The following KCNN2 variants were observed in gnomAD, a reference collection of about 807,000 sequenced individuals.
The protein encoded by KCNN2 is potassium calcium-activated channel subfamily N member 2.
KCNN2 carries 24 observed loss-of-function variants against 55.5 expected under a neutral mutation model. That is an observed-to-expected ratio of 0.43 (90% CI 0.31 to 0.61). KCNN2 has a LOEUF of 0.61. Ranked by LOEUF, KCNN2 falls within the 20% of genes least tolerant of loss-of-function variation. The pLI, the probability that KCNN2 is intolerant of heterozygous loss-of-function variation, is 0.08. For synonymous variants in KCNN2, 431 were observed against 336.1 expected, an observed-to-expected ratio of 1.28 and a Z score of -3.09; for missense variants, 754 against 853.6, an observed-to-expected ratio of 0.88 and a Z score of 1.45.
chr5:114,202,340 A>C (rs1483523713), intron 1 of KCNN2, among the ~76,000 whole-genome samples: 1 of 151,870 alleles, frequency 6.6e-6, no homozygotes, highest in Non-Finnish European at 1.5e-5. Flanking sequence ...ATCATTTTCA[A>C]CATAAGACTT....
At chr5:114,414,389 C>T (rs1224263997) in intron 3 of KCNN2, among the ~76,000 whole-genome samples, 1 of 152,098 alleles carries the variant, frequency 6.6e-6, no homozygotes, top group Non-Finnish European at 1.5e-5. Flanking sequence ...TAATAAAGCA[C>T]CTACTGTCTT....
chr5:114,145,130 C>T (rs181306308), intron 1 of KCNN2, among the ~76,000 whole-genome samples: 13 of 152,246 alleles, frequency 8.5e-5, no homozygotes, highest in South Asian at 4.1e-4. Flanking sequence ...CAACCCCTGC[C>T]CCTTTCCACT....
intron 1 of KCNN2, among the ~76,000 whole-genome samples, chr5:114,113,563 C>T (rs1173537437): frequency 6.6e-6 from 1 of 152,000 alleles, no homozygotes; most frequent in African/African-American, 2.4e-5. Context: ...ACACAGGGGC[C>T]TTCCTAGAAA....
At chr5:114,387,563 C>G (rs775950120) in intron 2 of KCNN2, among the ~76,000 whole-genome samples, 3 of 151,948 alleles carry the variant, frequency 2.0e-5, no homozygotes, top group Non-Finnish European at 4.4e-5. Context: ...GGTTTTTGTT[C>G]TTAGACTTTG....
rs191192463 is a variant in KCNN2 at position 114,398,439 on chromosome 5, G to C, written c.1219-5999G>C. On this transcript the variant is annotated intron_variant, in intron 2 of 7. Coordinates refer to ENST00000673685, the MANE Select transcript of KCNN2 (RefSeq NM_021614.4). ...ATGCTGTTTGGGTTACTGTAGCCTT[G>C]TAGTATAGTTTGAAGTCAGGTAATG... 2.0e-5 allele frequency among the ~76,000 whole-genome samples: 3 copies of C among 149,698 alleles called. No individual in the cohort carries two copies. The East Asian group carries it at 5.8e-4, about 29-fold the overall frequency.
intron 1 of KCNN2, among the ~76,000 whole-genome samples, chr5:114,207,359 T>G (rs957145494): frequency 2.6e-5 from 4 of 152,174 alleles, no homozygotes; most frequent in African/African-American, 9.7e-5. Context: ...GTCTCCTCAT[T>G]TGTGAAAGGA....
At chr5:114,173,438 TTGTGTGTGTG>T (rs61630138) in intron 1 of KCNN2, among the ~76,000 whole-genome samples, 8,655 of 142,086 alleles carry the variant, frequency 0.061, 328 homozygotes, top group East Asian at 0.14. Flanking sequence ...TTTGTTTTGT[TTGTGTGTGTG>T]TGTGTGTGTG....
At chr5:114,087,441 G>C (rs1411490337) in intron 1 of KCNN2, among the ~76,000 whole-genome samples, 1 of 152,052 alleles carries the variant, frequency 6.6e-6, no homozygotes, top group Non-Finnish European at 1.5e-5. Flanking sequence ...TCCATCATGA[G>C]TTAATTTTTG....
intron 1 of KCNN2, among the ~76,000 whole-genome samples, chr5:114,159,177 A>C (rs1163793825): frequency 6.6e-6 from 1 of 152,150 alleles, no homozygotes; most frequent in African/African-American, 2.4e-5. Context: ...GATACGTCCC[A>C]TCAATACCTA....
intron 1 of KCNN2, among the ~76,000 whole-genome samples, chr5:114,143,156 G>C (rs1313322723): frequency 6.6e-6 from 1 of 152,164 alleles, no homozygotes; most frequent in African/African-American, 2.4e-5. Flanking sequence ...GGTGGGGGTA[G>C]ATTAGTAAGA....
At chr5:114,227,294 C>T (rs1754256057) in intron 2 of KCNN2, among the ~76,000 whole-genome samples, 1 of 152,104 alleles carries the variant, frequency 6.6e-6, no homozygotes, top group Non-Finnish European at 1.5e-5. Context: ...TTTTGCTGTT[C>T]TCGCTACTAA....
intron 1 of KCNN2, among the ~76,000 whole-genome samples, chr5:114,096,015 A>G (rs957426535): frequency 2.6e-5 from 4 of 152,152 alleles, no homozygotes; most frequent in Non-Finnish European, 5.9e-5. Flanking sequence ...ATGGATCTAT[A>G]GATCCTTTGC....
chr5:114,155,730 T>C (rs943149830), intron 1 of KCNN2, among the ~76,000 whole-genome samples: 11 of 151,866 alleles, frequency 7.2e-5, no homozygotes, highest in African/African-American at 2.7e-4. Context: ...TTTAATGGGG[T>C]TATTTGTTCT....
intron 2 of KCNN2, among the ~76,000 whole-genome samples, chr5:114,337,563 T>G: frequency 6.6e-6 from 1 of 152,216 alleles, no homozygotes; most frequent in East Asian, 1.9e-4. Context: ...TATGGCAGTA[T>G]AGCTAATGGT....
intron 2 of KCNN2, among the ~76,000 whole-genome samples, chr5:114,242,509 C>G (rs1228415028): frequency 6.6e-6 from 1 of 152,158 alleles, no homozygotes; most frequent in African/African-American, 2.4e-5. Flanking sequence ...CCAGTTGAGA[C>G]ACAACCTGAA....
At chr5:114,445,265 C>A (rs1580843962) in intron 3 of KCNN2, among the ~76,000 whole-genome samples, 1 of 152,102 alleles carries the variant, frequency 6.6e-6, no homozygotes, top group East Asian at 1.9e-4. Context: ...TCAAATAAAT[C>A]TTTAATATGA....
chr5:114,217,849 C>T (rs1003143156), intron 1 of KCNN2, among the ~76,000 whole-genome samples: 1 of 152,022 alleles, frequency 6.6e-6, no homozygotes, highest in Non-Finnish European at 1.5e-5. Flanking sequence ...TTAAAAGACA[C>T]ATCTGATAAA....
At position 114,290,468 on chromosome 5, in the gene KCNN2, T is replaced by C. The variant is rs537710860; in HGVS notation, c.-185+68903T>C. On this transcript the variant is annotated intron_variant, in intron 2 of 10. Coordinates refer to the KCNN2 transcript ENST00000512097. ...CAGCTTTCATTTCTGAATTTAGTTA[T>C]TTGCATCTTCCCTCTTTTTTTCTTA... Among the ~76,000 whole-genome samples, 30 of 152,230 alleles carry C rather than the reference T, an allele frequency of 2.0e-4. No individual in the cohort carries two copies. In the South Asian group the frequency reaches 3.9e-3, roughly 20 times the overall value.
At chr5:114,361,163 T>C (rs1757408672), upstream of KCNN2, 1 of 152,048 alleles carries the variant, frequency 6.6e-6, no homozygotes. Flanking sequence ...GAGCTGGCGG[T>C]AGCGGGGAAA....
Sources: gnomAD v4.1 joint callset for allele counts (sites outside exome capture counted in the v4.1 genomes callset) on GRCh38, gnomAD v4.1.1 for gene constraint, MANE v1.5 for transcripts, NCBI Gene and HGNC (gene_info 2026-07-23, HGNC 2026-07-21) for gene names.